DNASE2: variants seen among roughly 807,000 people sequenced by gnomAD.
The protein encoded by DNASE2 is deoxyribonuclease-2-alpha.
A neutral mutation model predicts 29.8 loss-of-function variants in DNASE2; 26 were observed. The observed-to-expected ratio is 0.87, with a 90% CI of 0.64 to 1.21. The LOEUF is 1.21. DNASE2 is among the 50% of genes most tolerant of loss of function. DNASE2 has a pLI of 0.00. For missense variants in DNASE2, 415 were observed against 455.6 expected (o/e 0.91, Z 0.81); for synonymous variants, 186 against 193.5 (o/e 0.96, Z 0.32).
rs573071214 is a variant in DNASE2, at chr19:12,880,478, T to A, written c.346+324A>T. On this transcript the variant is annotated intron_variant, in intron 3 of 5. Transcript: ENST00000222219. ...TTCGAGACCAGCCTGGCCAACATGG[T>A]GAAACCTCGTCTGTACTAAAAATAT... 8.4e-4 allele frequency among the ~76,000 whole-genome samples: 128 copies of A among 151,984 alleles called. 1 individual carries two copies. The highest frequency in any genetic ancestry group is 3.0e-3 in the African/African-American group (125 of 41,458).
rs565062814 is a variant in DNASE2, at chr19:12,880,782, G to A, written c.346+20C>T. ...AAAATGGGACCCGAGTCTCTCCCCA[G>A]CCCCCAATCCAGGCCTCACCCTTCG... On this transcript the variant is annotated intron_variant, in intron 3 of 5. Transcript: ENST00000222219. 1.2e-6 allele frequency: 2 copies of A among 1,614,164 alleles called. No homozygotes were observed. Among genetic ancestry groups the A allele is most frequent in the Non-Finnish European group, 1.7e-6 (2 of 1,179,998 alleles).
intron 3 of DNASE2, 46 bp from the exon 4 acceptor site, chr19:12,878,880 C>G: frequency 6.3e-7 from 1 of 1,582,312 alleles, no homozygotes; most frequent in Non-Finnish European, 8.6e-7. Context: ...CAGTGGCTCA[C>G]GCCTGTAATC....
At chr19:12,880,058 T>C (rs1366370211) in intron 3 of DNASE2, among the ~76,000 whole-genome samples, 2 of 134,374 alleles carry the variant, frequency 1.5e-5, no homozygotes, top group South Asian at 2.3e-4. Flanking sequence ...TGAGCTGAGA[T>C]TGCACCACCG....
intron 5 of DNASE2, among the ~76,000 whole-genome samples, chr19:12,877,081 T>A (rs1433160400): frequency 1.3e-5 from 2 of 152,020 alleles, no homozygotes; most frequent in Admixed American, 6.6e-5. Context: ...CCCTCCACCA[T>A]GCCCAGATAA....
chr19:12,881,095 C>G lies in DNASE2; in HGVS notation c.144G>C (p.Gly48=). 6.2e-7 allele frequency: 1 copy of G among 1,612,050 alleles called. No individual in the cohort carries two copies. The highest frequency in any genetic ancestry group is 8.5e-7 in the Non-Finnish European group (1 of 1,180,000). The change falls in exon 2 of 6, where the codon GGG becomes GGC. Residue 48 remains glycine, a synonymous_variant. Coordinates refer to ENST00000222219, the MANE Select transcript of DNASE2 (RefSeq NM_001375.3). Reference sequence around the variant, plus strand: ...TCTCGTCCAGATACTTGTACTGCAGCCCTCTCTGCGCCGCCTCCCCGGACC... The same window carrying G: ...TCTCGTCCAGATACTTGTACTGCAGGCCTCTCTGCGCCGCCTCCCCGGACC... ...LRGSGEAAQR[G]LQYKYLDESS...
chr19:12,877,080 A>G (rs529911165), intron 5 of DNASE2, among the ~76,000 whole-genome samples: 1 of 152,078 alleles, frequency 6.6e-6, no homozygotes, highest in Admixed American at 6.5e-5. Context: ...GCCCTCCACC[A>G]TGCCCAGATA....
In DNASE2 at chr19:12,881,150, A is replaced by G; in HGVS notation, c.89T>C (p.Phe30Ser). ...YGDSGQPVDW[F>S]VVYKLPALRG... ...AAGAGCTGGCAGCTTGTAGACCACG[A>G]ACCTGGAGGTCGGAGAATGCACAGA... The change falls in exon 2 of 6, where the codon TTC (phenylalanine) becomes TCC (serine). Residue 30 changes from phenylalanine (F) to serine (S), a missense_variant and splice_region_variant. By Grantham distance (155) the Phe-to-Ser change is radical. Transcript: ENST00000222219. The G allele has an allele frequency of 1.2e-6, 2 of 1,611,844 alleles. No individual in the cohort carries two copies. Among genetic ancestry groups the G allele is most frequent in the Non-Finnish European group, 1.7e-6 (2 of 1,179,992 alleles).
In DNASE2 at chr19:12,878,876, C is replaced by T. The variant is rs766656619; in HGVS notation, c.347-42G>A. 4 of 1,587,740 alleles carry T rather than the reference C, an allele frequency of 2.5e-6. No homozygotes were observed. In the South Asian group the frequency reaches 4.5e-5, roughly 18 times the overall value. On this transcript the variant is annotated intron_variant, in intron 3 of 5. Coordinates refer to ENST00000222219, the MANE Select transcript of DNASE2 (RefSeq NM_001375.3). Reference sequence around the variant, plus strand: ...CATTAGGGGAGGTCGGGCGCAGTGGCTCACGCCTGTAATCCCAGCACTTTG... The same window carrying T: ...CATTAGGGGAGGTCGGGCGCAGTGGTTCACGCCTGTAATCCCAGCACTTTG...
chr19:12,881,252 A>G (rs1414486810), intron 1 of DNASE2, 38 bp downstream of exon 1: 1 of 1,595,110 alleles, frequency 6.3e-7, no homozygotes, highest in African/African-American at 1.3e-5. Flanking sequence ...CCGCAGCCGG[A>G]CCCCGGGGCG....
intron 5 of DNASE2, among the ~76,000 whole-genome samples, chr19:12,877,737 G>A (rs565510741): frequency 6.6e-6 from 1 of 151,696 alleles, no homozygotes; most frequent in Non-Finnish European, 1.5e-5. Flanking sequence ...GTAGAGACAG[G>A]GTTTCACCGT....
rs763188696 is a variant in DNASE2 at position 12,878,768 on chromosome 19, G to A, written c.413C>T (p.Pro138Leu). The change falls in exon 4 of 6, where the codon CCG (proline) becomes CTG (leucine). Residue 138 changes from proline (P) to leucine (L), a missense_variant. Pro to Leu is a moderately conservative substitution (Grantham distance 98). Transcript: ENST00000222219. ...CCAGCTGTATGCAGCAGAGGAGGCC[G>A]GTGGAGGGAAGTTAGGTACACTGTG... is the stretch of plus-strand genomic sequence containing the variant. ...LVHSVPNFPP[P>L]ASSAAYSWPH... The A allele has an allele frequency of 3.2e-5, 51 of 1,613,898 alleles. No homozygotes were observed. The highest frequency in any genetic ancestry group is 1.7e-4 in the Admixed American group (10 of 59,976).
chr19:12,875,238 A>C lies in DNASE2; in HGVS notation c.*752T>G. The C allele has an allele frequency of 3.3e-6, 1 of 306,170 alleles. No individual in the cohort carries two copies. Among genetic ancestry groups the C allele is most frequent in the Non-Finnish European group, 6.4e-6 (1 of 156,574 alleles). 19.0% of individuals were successfully genotyped at this position (306,170 alleles called of 1,614,324 possible). On this transcript the variant is annotated 3_prime_UTR_variant, in exon 6 of 6. Coordinates refer to ENST00000222219, the MANE Select transcript of DNASE2 (RefSeq NM_001375.3). Reference sequence around the variant, plus strand: ...CCAATTTCCATTTATTTACTCCTCAACAATCCTGATGGCAGGTATTATGTT... The same window carrying C: ...CCAATTTCCATTTATTTACTCCTCACCAATCCTGATGGCAGGTATTATGTT...
Position 12,880,961 on chromosome 19 carries a change from G to GC in DNASE2, c.267+10dup. 6.2e-7 allele frequency: 1 copy of GC among 1,614,188 alleles called. No individual in the cohort carries two copies. Among genetic ancestry groups the GC allele is most frequent in the Non-Finnish European group, 8.5e-7 (1 of 1,180,040 alleles). The stretch of plus-strand genomic sequence containing the variant: ...GAGTTTCGCCCCTAGTTGGCCCGGG[G>GC]CCCCCTTCACCTGGCTGGTGTTGCT... On this transcript the variant is annotated intron_variant, in intron 2 of 5. Coordinates refer to ENST00000222219, the MANE Select transcript of DNASE2 (RefSeq NM_001375.3).
intron 5 of DNASE2, chr19:12,878,026 G>T: frequency 2.8e-6 from 1 of 352,392 alleles, no homozygotes; most frequent in South Asian, 2.3e-5. Flanking sequence ...TGTTTCCCAG[G>T]CTTGTCTTGG....
At chr19:12,880,690 T>C in intron 3 of DNASE2, 112 bp downstream of exon 3, 1 of 1,402,920 alleles carries the variant, frequency 7.1e-7, no homozygotes, top group Non-Finnish European at 1.0e-6. Flanking sequence ...TTGGGGGGAA[T>C]AGATGCCCAG....
intron 5 of DNASE2, 53 bp downstream of exon 5, chr19:12,878,329 A>G (rs1434321432): frequency 2.5e-6 from 4 of 1,607,450 alleles, no homozygotes; most frequent in Non-Finnish European, 3.4e-6. Flanking sequence ...TGGCCACACC[A>G]GTCACCCTGT....
At position 12,878,752 on chromosome 19, in the gene DNASE2, T is replaced by C. The variant is rs1449329094; in HGVS notation, c.429A>G (p.Ala143=). The change falls in exon 4 of 6, where the codon GCA becomes GCG. Residue 143 remains alanine, a synonymous_variant. Transcript: ENST00000222219. The stretch of plus-strand genomic sequence containing the variant: ...TACAGGCGCTATGAGGCCAGCTGTA[T>C]GCAGCAGAGGAGGCCGGTGGAGGGA... ...PNFPPPASSA[A]YSWPHSACTY... The C allele has an allele frequency of 6.2e-7, 1 of 1,614,048 alleles. No individual in the cohort carries two copies. Among genetic ancestry groups the C allele is most frequent in the South Asian group, 1.1e-5 (1 of 91,072 alleles).
In DNASE2 at chr19:12,878,853, T is replaced by G; in HGVS notation, c.347-19A>C. Reference sequence around the variant, plus strand: ...AGGACACCTGGACCAAAAGAAGGCATTAGGGGAGGTCGGGCGCAGTGGCTC... The same window carrying G: ...AGGACACCTGGACCAAAAGAAGGCAGTAGGGGAGGTCGGGCGCAGTGGCTC... On this transcript the variant is annotated intron_variant, in intron 3 of 5. Transcript: ENST00000222219. The G allele has an allele frequency of 6.2e-7, 1 of 1,608,322 alleles. No homozygotes were observed. Among genetic ancestry groups the G allele is most frequent in the Non-Finnish European group, 8.5e-7 (1 of 1,178,014 alleles).
chr19:12,878,176 T>A, intron 5 of DNASE2: 1 of 638,574 alleles, frequency 1.6e-6, no homozygotes, highest in Non-Finnish European at 2.7e-6. Context: ...AGTATCCCCA[T>A]TTTTCAGATG....
Sources: allele counts gnomAD v4.1 joint callset (sites outside exome capture counted in the v4.1 genomes callset), GRCh38; gene constraint gnomAD v4.1.1; transcripts MANE v1.5; gene names NCBI Gene and HGNC (gene_info 2026-07-23, HGNC 2026-07-21).